The following MPDZ variants were observed in gnomAD, a reference collection of about 807,000 sequenced individuals.
The protein encoded by MPDZ is multiple PDZ domain crumbs cell polarity complex component.
Under a neutral mutation model 239.1 loss-of-function variants are expected in MPDZ, and 234 were observed. That is an observed-to-expected ratio of 0.98 (90% CI 0.88 to 1.09). The LOEUF (loss-of-function observed/expected upper bound fraction) is 1.09, where lower values mean the gene tolerates loss of function less well. MPDZ is among the 50% of genes least tolerant of loss of function. The pLI, the probability that MPDZ is intolerant of heterozygous loss-of-function variation, is 0.00. For synonymous variants in MPDZ, 1,048 were observed against 881.3 expected (o/e 1.19, Z -3.35); for missense variants, 3,175 against 2,510.0 (o/e 1.26, Z -5.66).
chr9:13,108,067 T>A (rs886618198), intron 46 of MPDZ, among the ~76,000 whole-genome samples: 2 of 152,094 alleles, frequency 1.3e-5, no homozygotes, highest in South Asian at 2.1e-4. Context: ...AAAAAGATCT[T>A]TTCCAAAATA....
At position 13,230,689 on chromosome 9, in the gene MPDZ, G is replaced by T. The variant is rs993832200; in HGVS notation, c.184-6106C>A. Among the ~76,000 whole-genome samples, 6 of 152,224 alleles carry T rather than the reference G, an allele frequency of 3.9e-5. No individual in the cohort carries two copies. In the South Asian group the frequency reaches 1.2e-3, roughly 32 times the overall value. On this transcript the variant is annotated intron_variant, in intron 3 of 46. Transcript: ENST00000319217. ...ATATTTGTGGTGATAAAATAGATCT[G>T]ATCTTGATTGTGGGGATAGCTAGGT...
chr9:13,267,505 C>T lies in MPDZ; in HGVS notation c.-58+11895G>A, dbSNP rs1461232018. Among the ~76,000 whole-genome samples, 3 of 152,270 alleles carry T rather than the reference C, an allele frequency of 2.0e-5. No individual in the cohort carries two copies. The East Asian group carries it at 5.8e-4, about 29-fold the overall frequency. On this transcript the variant is annotated intron_variant, in intron 1 of 46. Coordinates refer to ENST00000319217, the MANE Select transcript of MPDZ (RefSeq NM_001378778.1). ...CTTTATGATATCTTCTTTTCCATTG[C>T]TGAAAATTATGTGTACTTTTTACAC...
intron 38 of MPDZ, among the ~76,000 whole-genome samples, 176 bp downstream of exon 38, chr9:13,121,563 G>T (rs559973778): frequency 6.6e-6 from 1 of 152,156 alleles, no homozygotes; most frequent in Non-Finnish European, 1.5e-5. Flanking sequence ...CCAATATTCT[G>T]ATTTTAAAAG....
rs777849354 is a variant in MPDZ, at chr9:13,168,530, C to A, written c.3090G>T (p.Gly1030=). 6.2e-7 allele frequency: 1 copy of A among 1,611,576 alleles called. No individual in the cohort carries two copies. Among genetic ancestry groups the A allele is most frequent in the Non-Finnish European group, 8.5e-7 (1 of 1,179,050 alleles). ...CATGAATAATGCTTCGAACGATCAT[C>A]CCCAAGCCATCTTTATTAGCACTAA... is the stretch of plus-strand genomic sequence containing the variant. ...MTVSANKDGL[G]MIVRSIIHGG... is the part of the protein sequence containing the mutation. Residue 1030 remains glycine (G), a synonymous_variant, in exon 22 of 47, where the codon GGG becomes GGT. Coordinates refer to ENST00000319217, the MANE Select transcript of MPDZ (RefSeq NM_001378778.1).
intron 1 of MPDZ, among the ~76,000 whole-genome samples, chr9:13,267,170 CATGTT>C (rs934452302): frequency 1.8e-4 from 28 of 152,236 alleles, no homozygotes; most frequent in African/African-American, 6.7e-4. Context: ...ACTGCTATCG[CATGTT>C]ATAATAATGA....
chr9:13,167,123 C>T (rs116970401), intron 22 of MPDZ, among the ~76,000 whole-genome samples: 293 of 152,192 alleles, frequency 1.9e-3, no homozygotes, highest in Middle Eastern at 6.8e-3. Flanking sequence ...AACTAAAACC[C>T]TGCGATAAAT....
At chr9:13,206,174 G>C (rs1956969974) in intron 10 of MPDZ, 75 bp from the exon 11 acceptor site, 1 of 1,335,988 alleles carries the variant, frequency 7.5e-7, no homozygotes, top group African/African-American at 1.5e-5. Flanking sequence ...CACAAAATGT[G>C]TATGTATAGT....
At chr9:13,180,609 A>T (rs114183522) in intron 19 of MPDZ, among the ~76,000 whole-genome samples, 1 of 152,320 alleles carries the variant, frequency 6.6e-6, no homozygotes, top group African/African-American at 2.4e-5. Context: ...TTTAAAAACC[A>T]ATTATTTCTG....
chr9:13,167,685 A>G (rs1212593584), intron 22 of MPDZ, among the ~76,000 whole-genome samples: 1 of 152,304 alleles, frequency 6.6e-6, no homozygotes, highest in East Asian at 1.9e-4. Context: ...AAAATGCCAC[A>G]TTGATGAAGT....
intron 23 of MPDZ, among the ~76,000 whole-genome samples, chr9:13,161,532 T>A (rs1029217306): frequency 6.6e-6 from 1 of 152,000 alleles, no homozygotes; most frequent in African/African-American, 2.4e-5. Context: ...AATCGCACCA[T>A]TGCACTGCAC....
At chr9:13,212,419 G>A (rs2135945391) in intron 10 of MPDZ, among the ~76,000 whole-genome samples, 1 of 152,086 alleles carries the variant, frequency 6.6e-6, no homozygotes, top group East Asian at 1.9e-4. Flanking sequence ...TCAGAAGCTG[G>A]TTATTAAAAG....
intron 31 of MPDZ, 26 bp downstream of exon 31, chr9:13,136,066 G>C (rs764830791): frequency 6.9e-7 from 1 of 1,457,912 alleles, no homozygotes; most frequent in Non-Finnish European, 9.6e-7. Context: ...AGTCTTCCCA[G>C]AGAAACAAAC....
intron 12 of MPDZ, among the ~76,000 whole-genome samples, chr9:13,204,107 C>T (rs1309837727): frequency 6.6e-6 from 1 of 151,986 alleles, no homozygotes; most frequent in Non-Finnish European, 1.5e-5. Context: ...AATGAAGGAA[C>T]AGATATGTTA....
At chr9:13,127,752 A>C (rs1563857174) in intron 32 of MPDZ, among the ~76,000 whole-genome samples, 1 of 152,154 alleles carries the variant, frequency 6.6e-6, no homozygotes, top group African/African-American at 2.4e-5. Flanking sequence ...CCATCTCTCT[A>C]CCACCTCTCT....
rs181920384 is a variant in MPDZ at position 13,110,068 on chromosome 9, C to T, written c.5830-4G>A. On this transcript the variant is annotated splice_polypyrimidine_tract_variant and splice_region_variant and intron_variant, in intron 44 of 46. Coordinates refer to ENST00000319217, the MANE Select transcript of MPDZ (RefSeq NM_001378778.1). ...TCACGTCTCCTCCAGCAACCACCTG[C>T]GCACAGGAGGAGGATAAACAGAAAA... The T allele has an allele frequency of 6.7e-5, 107 of 1,608,612 alleles. 1 individual carries two copies. The Admixed American group carries it at 9.7e-4, about 15-fold the overall frequency.
intron 32 of MPDZ, among the ~76,000 whole-genome samples, chr9:13,128,068 C>G (rs923392313): frequency 1.3e-5 from 2 of 152,076 alleles, no homozygotes; most frequent in Non-Finnish European, 2.9e-5. Flanking sequence ...CTAGCCTTCC[C>G]ACCCACTCCT....
chr9:13,136,569 G>A (rs913434487), intron 30 of MPDZ, 143 bp downstream of exon 30: 35 of 597,984 alleles, frequency 5.9e-5, no homozygotes, highest in African/African-American at 4.8e-4. Context: ...CTCATGATCC[G>A]CCCGCCTCAG....
chr9:13,132,515 A>C (rs555376553), intron 32 of MPDZ, among the ~76,000 whole-genome samples: 30 of 152,328 alleles, frequency 2.0e-4, no homozygotes, highest in Non-Finnish European at 1.6e-4. Context: ...CAGGTAGCCT[A>C]ATGTGGAAAT....
At chr9:13,109,649 C>T (rs755572565) in intron 45 of MPDZ, among the ~76,000 whole-genome samples, 6 of 152,124 alleles carry the variant, frequency 3.9e-5, no homozygotes, top group Non-Finnish European at 5.9e-5. Context: ...CTCCATATTA[C>T]ATGAAGTGGT....
Sources: allele counts gnomAD v4.1 joint callset (sites outside exome capture counted in the v4.1 genomes callset), GRCh38; gene constraint gnomAD v4.1.1; transcripts MANE v1.5; gene names NCBI Gene and HGNC (gene_info 2026-07-23, HGNC 2026-07-21).